Variants in REDIC1 observed in about 807,000 individuals in gnomAD.
REDIC1 encodes regulator of DNA class I crossover intermediates 1.
the REDIC1 span, among the ~76,000 whole-genome samples, chr12:39,897,618 A>G: frequency 6.6e-6 from 1 of 152,214 alleles, no homozygotes; most frequent in Non-Finnish European, 1.5e-5. Flanking sequence ...GCTCTTGAGC[A>G]CTAGAAATAT....
the REDIC1 span, among the ~76,000 whole-genome samples, chr12:39,696,403 C>T: frequency 1.3e-5 from 2 of 150,064 alleles, no homozygotes; most frequent in Admixed American, 6.6e-5. Flanking sequence ...ATTAGCCGGG[C>T]GTAGTGGCGG....
At chr12:39,626,479 A>G in the REDIC1 span, 7 of 1,290,356 alleles carry the variant, frequency 5.4e-6, no homozygotes, top group South Asian at 9.2e-5. Context: ...GGGTCTTTTT[A>G]TTGTTATCCA....
the REDIC1 span, among the ~76,000 whole-genome samples, chr12:39,693,535 A>T: frequency 6.6e-6 from 1 of 151,912 alleles, no homozygotes; most frequent in Non-Finnish European, 1.5e-5. Flanking sequence ...TTCTCATTCT[A>T]AATGTAATAT....
At chr12:39,841,116 G>A in the REDIC1 span, among the ~76,000 whole-genome samples, 1 of 152,070 alleles carries the variant, frequency 6.6e-6, no homozygotes, top group Non-Finnish European at 1.5e-5. Context: ...TTGAGGCTAA[G>A]ATTCAACTGA....
At chr12:39,874,023 G>T in the REDIC1 span, among the ~76,000 whole-genome samples, 34 of 152,292 alleles carry the variant, frequency 2.2e-4, no homozygotes, top group Admixed American at 8.5e-4. Flanking sequence ...CCCTCAAGAA[G>T]CTCATAGTTT....
At chr12:39,871,034 TA>T in the REDIC1 span, among the ~76,000 whole-genome samples, 1 of 152,176 alleles carries the variant, frequency 6.6e-6, no homozygotes, top group Non-Finnish European at 1.5e-5. Context: ...ATAAAGGAGT[TA>T]TTAGAGTATA....
At chr12:39,830,394 G>T in the REDIC1 span, 1 of 1,374,700 alleles carries the variant, frequency 7.3e-7, no homozygotes. Context: ...CCAGGTGAGA[G>T]CTGGCTGGTC....
At chr12:39,779,624 A>C in the REDIC1 span, among the ~76,000 whole-genome samples, 1 of 152,230 alleles carries the variant, frequency 6.6e-6, no homozygotes, top group Non-Finnish European at 1.5e-5. Context: ...ATCTGACAAC[A>C]ATTTCTTCAC....
At chr12:39,759,999 A>G in the REDIC1 span, 24 of 1,578,870 alleles carry the variant, frequency 1.5e-5, no homozygotes, top group East Asian at 5.4e-4. Flanking sequence ...GTTTGTTTAA[A>G]TAACTAAATA....
the REDIC1 span, among the ~76,000 whole-genome samples, chr12:39,658,086 A>C: frequency 1.5e-5 from 1 of 65,758 alleles, no homozygotes; most frequent in African/African-American, 4.2e-5. Flanking sequence ...ACATCAAAAT[A>C]CTTTTTTTTT....
chr12:39,653,530 C>CTTT, the REDIC1 span, among the ~76,000 whole-genome samples: 2,655 of 61,622 alleles, frequency 0.043, 73 homozygotes, highest in Non-Finnish European at 0.073. Flanking sequence ...TCTTCTTCTT[C>CTTT]TTCTTCTTTT....
chr12:39,645,714 T>G, the REDIC1 span, among the ~76,000 whole-genome samples: 1 of 152,102 alleles, frequency 6.6e-6, no homozygotes, highest in Non-Finnish European at 1.5e-5. Flanking sequence ...TGGTTCACCT[T>G]TAGTCAGATG....
At chr12:39,675,134 G>C in the REDIC1 span, among the ~76,000 whole-genome samples, 2 of 152,102 alleles carry the variant, frequency 1.3e-5, no homozygotes, top group Non-Finnish European at 2.9e-5. Context: ...TGGGAGCTGA[G>C]AGAAGCCTAT....
At chr12:39,728,408 G>GT in the REDIC1 span, among the ~76,000 whole-genome samples, 1 of 152,056 alleles carries the variant, frequency 6.6e-6, no homozygotes, top group African/African-American at 2.4e-5. Flanking sequence ...TAATCATGTG[G>GT]TTTTTGACAT....
At chr12:39,785,032 T>G in the REDIC1 span, among the ~76,000 whole-genome samples, 1 of 152,140 alleles carries the variant, frequency 6.6e-6, no homozygotes, top group African/African-American at 2.4e-5. Context: ...CCTTATGATG[T>G]AGTAGAATAG....
chr12:39,904,446 A>G, the REDIC1 span, among the ~76,000 whole-genome samples: 1 of 152,132 alleles, frequency 6.6e-6, no homozygotes, highest in African/African-American at 2.4e-5. Context: ...CTTTCTAAGG[A>G]CAGTAGTCCC....
chr12:39,744,777 G>T, the REDIC1 span, among the ~76,000 whole-genome samples: 1 of 152,030 alleles, frequency 6.6e-6, no homozygotes, highest in Admixed American at 6.6e-5. Context: ...GCAGAAAAAA[G>T]GTGGAAGACA....
the REDIC1 span, among the ~76,000 whole-genome samples, chr12:39,848,065 T>C: frequency 6.6e-6 from 1 of 152,058 alleles, no homozygotes; most frequent in African/African-American, 2.4e-5. Flanking sequence ...AAGTCAAAGC[T>C]CTGAAAACCC....
At chr12:39,659,315 T>G in the REDIC1 span, among the ~76,000 whole-genome samples, 1 of 152,050 alleles carries the variant, frequency 6.6e-6, no homozygotes, top group East Asian at 1.9e-4. Flanking sequence ...TGGGTTTTCT[T>G]GATCTTGGAT....
Sources: gnomAD v4.1 joint callset for allele counts (sites outside exome capture counted in the v4.1 genomes callset) on GRCh38, gnomAD v4.1.1 for gene constraint, MANE v1.5 for transcripts, NCBI Gene and HGNC (gene_info 2026-07-23, HGNC 2026-07-21) for gene names.